The following ARHGAP42 variants were observed in gnomAD, a reference collection of about 807,000 sequenced individuals.
The protein encoded by ARHGAP42 is rho GTPase-activating protein 42.
In ARHGAP42, 63 loss-of-function variants were observed where a neutral mutation model predicts 125.0. The observed-to-expected ratio is 0.50, with a 90% CI of 0.41 to 0.62. ARHGAP42 has a LOEUF of 0.62. Ranked by LOEUF, ARHGAP42 falls within the 20% of genes least tolerant of loss-of-function variation. The pLI is 0.00. For synonymous variants in ARHGAP42, 339 were observed against 351.0 expected, an observed-to-expected ratio of 0.97 and a Z score of 0.38; for missense variants, 766 against 1,024.2, an observed-to-expected ratio of 0.75 and a Z score of 3.44.
At chr11:100,856,746 G>A (rs978958193) in intron 3 of ARHGAP42, among the ~76,000 whole-genome samples, 29 of 152,204 alleles carry the variant, frequency 1.9e-4, no homozygotes, top group African/African-American at 6.7e-4. Context: ...GAAACTATAA[G>A]ACTGCTTAGG....
chr11:100,974,725 C>T, intron 19 of ARHGAP42, 122 bp downstream of exon 19: 1 of 1,041,030 alleles, frequency 9.6e-7, no homozygotes, highest in East Asian at 2.7e-5. Flanking sequence ...CCAACACCTC[C>T]TCTTTTATCA....
At position 100,687,605 on chromosome 11, in the gene ARHGAP42, C is replaced by G. The variant is rs542432702; in HGVS notation, c.-74C>G. The stretch of plus-strand genomic sequence containing the variant: ...GCGATCGCGCGACCCCAGCGCCCGC[C>G]GCGGCCGCCGGCTGCCCCCGCCCTG... On this transcript the variant is annotated 5_prime_UTR_variant, in exon 1 of 24. Coordinates refer to ENST00000298815, the MANE Select transcript of ARHGAP42 (RefSeq NM_152432.4). The G allele has an allele frequency of 2.7e-5, 31 of 1,163,760 alleles. No homozygotes were observed. In the African/African-American group the frequency reaches 5.0e-4, roughly 19 times the overall value. 72.1% of individuals were successfully genotyped at this position (1,163,760 alleles called of 1,614,324 possible).
intron 22 of ARHGAP42, among the ~76,000 whole-genome samples, chr11:100,986,729 A>G (rs566445793): frequency 6.6e-6 from 1 of 152,248 alleles, no homozygotes; most frequent in East Asian, 1.9e-4. Flanking sequence ...TGAATGTTGC[A>G]GATTAAAGGA....
chr11:100,763,569 C>A (rs1189977967), intron 1 of ARHGAP42, among the ~76,000 whole-genome samples: 1 of 152,090 alleles, frequency 6.6e-6, no homozygotes, highest in African/African-American at 2.4e-5. Flanking sequence ...CTGGCTGCAA[C>A]CTCCGCCCCC....
At chr11:100,899,471 G>A (rs1025045404) in intron 4 of ARHGAP42, among the ~76,000 whole-genome samples, 1 of 152,156 alleles carries the variant, frequency 6.6e-6, no homozygotes, top group Non-Finnish European at 1.5e-5. Context: ...TTTTGTGTGG[G>A]AGTCTAAGTC....
At chr11:100,718,561 C>A (rs1188656838) in intron 1 of ARHGAP42, among the ~76,000 whole-genome samples, 1 of 152,118 alleles carries the variant, frequency 6.6e-6, no homozygotes, top group African/African-American at 2.4e-5. Flanking sequence ...GACAAGGACT[C>A]AAACACACCA....
In ARHGAP42 at chr11:100,936,297, G is replaced by A; in HGVS notation, c.797G>A (p.Trp266Ter). The A allele has an allele frequency of 1.3e-6, 2 of 1,551,552 alleles. No homozygotes were observed. The highest frequency in any genetic ancestry group is 8.7e-7 in the Non-Finnish European group (1 of 1,146,898). Residue 266 changes from tryptophan to a stop codon, truncating the protein, a stop_gained, in exon 8 of 24, where the codon TGG becomes TAG. Coordinates refer to ENST00000298815, the MANE Select transcript of ARHGAP42 (RefSeq NM_152432.4). LOFTEE classifies it high-confidence loss of function. ...ANQDYRPPSQ[W>*]TMEGYLYVQE... ...CAGGACTACAGACCACCCAGCCAGT[G>A]GACGATGGAAGGCTATCTGTATGTC...
chr11:100,799,867 GA>G (rs1863810841), intron 3 of ARHGAP42, among the ~76,000 whole-genome samples: 1 of 152,170 alleles, frequency 6.6e-6, no homozygotes, highest in African/African-American at 2.4e-5. Context: ...AAAGAGGGTT[GA>G]TAAAAACGTA....
intron 4 of ARHGAP42, among the ~76,000 whole-genome samples, chr11:100,861,429 A>G (rs886156705): frequency 6.6e-6 from 1 of 152,170 alleles, no homozygotes; most frequent in African/African-American, 2.4e-5. Flanking sequence ...GTGATATCAT[A>G]TTTGTATTTT....
intron 3 of ARHGAP42, among the ~76,000 whole-genome samples, chr11:100,797,423 G>A (rs1350413506): frequency 2.0e-5 from 3 of 152,158 alleles, no homozygotes; most frequent in Non-Finnish European, 4.4e-5. Context: ...TGTAGCTGGT[G>A]ATTTTAAGTT....
intron 22 of ARHGAP42, among the ~76,000 whole-genome samples, chr11:100,985,481 G>A (rs1003972160): frequency 6.6e-6 from 1 of 152,122 alleles, no homozygotes; most frequent in African/African-American, 2.4e-5. Flanking sequence ...TTCTATTTGA[G>A]ACTACCATAG....
intron 4 of ARHGAP42, among the ~76,000 whole-genome samples, chr11:100,876,863 G>A (rs1195394488): frequency 2.6e-5 from 4 of 152,096 alleles, no homozygotes; most frequent in Non-Finnish European, 5.9e-5. Context: ...TCTATATACA[G>A]CCAGTAATAA....
chr11:100,756,384 C>A (rs1479101282), intron 1 of ARHGAP42, among the ~76,000 whole-genome samples: 2 of 152,064 alleles, frequency 1.3e-5, no homozygotes, highest in African/African-American at 4.8e-5. Context: ...GGCAACAGAG[C>A]AAGACCCTGT....
chr11:100,861,798 T>G (rs1865451607), intron 4 of ARHGAP42, among the ~76,000 whole-genome samples: 1 of 152,172 alleles, frequency 6.6e-6, no homozygotes, highest in African/African-American at 2.4e-5. Flanking sequence ...CATGTGATGT[T>G]GAGTTAGCAG....
intron 6 of ARHGAP42, among the ~76,000 whole-genome samples, chr11:100,926,418 C>G (rs184418566): frequency 2.1e-4 from 32 of 152,124 alleles, no homozygotes; most frequent in African/African-American, 7.7e-4. Flanking sequence ...AGAGATTAAT[C>G]CTTCCTGATA....
In ARHGAP42 at chr11:100,993,185, A is replaced by G. The variant is rs982198762; in HGVS notation, c.*4384A>G. On this transcript the variant is annotated 3_prime_UTR_variant, in exon 24 of 24. Transcript: ENST00000298815. ...CTGCCATCTTTCATGAGTGTTTCCC[A>G]TGGTGTTTTTGCATCCAGAGTTGAC... is the stretch of plus-strand genomic sequence containing the variant. 6.0e-6 allele frequency: 1 copy of G among 167,882 alleles called. No homozygotes were observed. The highest frequency in any genetic ancestry group is 1.5e-5 in the Non-Finnish European group (1 of 68,792). The allele number at this position is 167,882 out of a possible 1,614,324, so 10.4% of individuals were successfully genotyped here.
chr11:100,962,607 T>C (rs1449912789), intron 16 of ARHGAP42, 140 bp downstream of exon 16: 2 of 759,920 alleles, frequency 2.6e-6, no homozygotes, highest in African/African-American at 3.5e-5. Context: ...CCGGGTGCGG[T>C]GGCTCAAACC....
At chr11:100,907,365 A>G (rs886952376) in intron 4 of ARHGAP42, among the ~76,000 whole-genome samples, 1 of 152,152 alleles carries the variant, frequency 6.6e-6, no homozygotes, top group Non-Finnish European at 1.5e-5. Context: ...TGTAAATGCG[A>G]ATGTGAATCC....
At chr11:100,839,262 A>G (rs548697756) in intron 3 of ARHGAP42, 1 of 152,314 alleles carries the variant, frequency 6.6e-6, no homozygotes, top group Non-Finnish European at 1.5e-5. Context: ...TGAAGATTTT[A>G]TGATCTTTTA....
Sources: allele counts gnomAD v4.1 joint callset (sites outside exome capture counted in the v4.1 genomes callset), GRCh38; gene constraint gnomAD v4.1.1; transcripts MANE v1.5; gene names NCBI Gene and HGNC (gene_info 2026-07-23, HGNC 2026-07-21).